XIRP2: variants seen among roughly 807,000 people sequenced by gnomAD.
XIRP2 encodes the protein xin actin-binding repeat-containing protein 2.
A neutral mutation model predicts 277.0 loss-of-function variants in XIRP2; 236 were observed. That is an observed-to-expected ratio of 0.85 (90% CI 0.77 to 0.95). XIRP2 has a LOEUF of 0.95. XIRP2 is among the 40% of genes least tolerant of loss of function. The pLI is 0.00. For synonymous variants in XIRP2, 1,490 were observed against 1,416.5 expected, an observed-to-expected ratio of 1.05 and a Z score of -1.17; for missense variants, 4,640 against 4,157.5, an observed-to-expected ratio of 1.12 and a Z score of -3.19.
In XIRP2 at chr2:167,244,964, A is replaced by C. The variant is rs574330155; in HGVS notation, c.3572A>C (p.Asp1191Ala). ...AAGGAAATCAAGCCTGTTGAAATGG[A>C]TATACAAGCTGGAGATGTTTCCAGC... ...EVKEIKPVEMDIQAGDVSSMR... is the reference protein window; with the variant it reads ...EVKEIKPVEMAIQAGDVSSMR... The change falls in exon 9 of 11, where the codon GAT becomes GCT. Residue 1191 changes from aspartate (D) to alanine (A), a missense_variant. Physicochemically the swap from Asp to Ala is moderately radical, Grantham distance 126. Transcript: ENST00000409195. The C allele has an allele frequency of 6.2e-7, 1 of 1,613,176 alleles. No homozygotes were observed. The highest frequency in any genetic ancestry group is 8.5e-7 in the Non-Finnish European group (1 of 1,179,634).
intron 3 of XIRP2, among the ~76,000 whole-genome samples, chr2:167,198,009 G>A (rs894319789): frequency 3.3e-5 from 5 of 151,982 alleles, no homozygotes; most frequent in Non-Finnish European, 2.9e-5. Flanking sequence ...TTCCATGTAT[G>A]GTACATTTAT....
chr2:167,151,539 A>T (rs1376142145), intron 3 of XIRP2, among the ~76,000 whole-genome samples: 1 of 152,150 alleles, frequency 6.6e-6, no homozygotes, highest in African/African-American at 2.4e-5. Flanking sequence ...GTTAACACCA[A>T]TTATATGTAT....
chr2:166,995,996 T>G (rs1687211611), intron 2 of XIRP2, among the ~76,000 whole-genome samples: 1 of 152,308 alleles, frequency 6.6e-6, no homozygotes, highest in African/African-American at 2.4e-5. Flanking sequence ...CCTCTTTTTC[T>G]TCTGCCCCTC....
intron 3 of XIRP2, among the ~76,000 whole-genome samples, 175 bp downstream of exon 3, chr2:167,136,237 T>G (rs1691547546): frequency 6.6e-6 from 1 of 152,182 alleles, no homozygotes; most frequent in African/African-American, 2.4e-5. Flanking sequence ...GCTTCTATCC[T>G]TATTATATTT....
chr2:167,063,958 G>T (rs183458886), intron 2 of XIRP2, among the ~76,000 whole-genome samples: 6 of 151,496 alleles, frequency 4.0e-5, no homozygotes, highest in Admixed American at 2.6e-4. Flanking sequence ...TACATTTAGT[G>T]TACTATCAAT....
intron 2 of XIRP2, among the ~76,000 whole-genome samples, chr2:167,011,273 T>C (rs1687671751): frequency 6.6e-6 from 1 of 151,746 alleles, no homozygotes; most frequent in African/African-American, 2.4e-5. Context: ...TGAGAGTTTT[T>C]AGCATGAAGG....
intron 2 of XIRP2, among the ~76,000 whole-genome samples, chr2:167,119,807 T>C (rs143221268): frequency 6.6e-6 from 1 of 152,306 alleles, no homozygotes; most frequent in African/African-American, 2.4e-5. Context: ...TAGGAAGATT[T>C]TGTTTCTGCT....
chr2:167,211,910 A>T lies in XIRP2; in HGVS notation c.723+1015A>T, dbSNP rs144950662. On this transcript the variant is annotated intron_variant, in intron 4 of 10. Transcript: ENST00000409195. ...GCCTTCAACTTAATGGAATATAAGAATGTTCTTTTATAATTATAATCTCCA... is the reference window on the plus strand; with the variant it reads ...GCCTTCAACTTAATGGAATATAAGATTGTTCTTTTATAATTATAATCTCCA... 3.9e-5 allele frequency among the ~76,000 whole-genome samples: 6 copies of T among 152,302 alleles called. No individual in the cohort carries two copies. In the East Asian group the frequency reaches 1.2e-3, roughly 29 times the overall value.
chr2:167,122,894 G>A (rs188743361), intron 2 of XIRP2, among the ~76,000 whole-genome samples: 2 of 151,776 alleles, frequency 1.3e-5, no homozygotes, highest in Non-Finnish European at 2.9e-5. Flanking sequence ...TTTTTATTTG[G>A]GTCTTCATGC....
chr2:167,135,850 A>G, intron 2 of XIRP2, 59 bp from the exon 3 acceptor site: 1 of 1,422,494 alleles, frequency 7.0e-7, no homozygotes, highest in Non-Finnish European at 9.3e-7. Context: ...CCCCCTAAAA[A>G]ACACATCTGT....
At chr2:167,055,471 T>G (rs879577002) in intron 2 of XIRP2, among the ~76,000 whole-genome samples, 3 of 152,232 alleles carry the variant, frequency 2.0e-5, no homozygotes, top group Non-Finnish European at 4.4e-5. Flanking sequence ...TTTCATTTAA[T>G]AAAATTATAA....
rs1692617919 is a variant in XIRP2 at position 167,169,367 on chromosome 2, TC to T, written c.562+33306del. ...TGCGTGGCCCTGGGATTTTTAAGTCTCAGAGTAGTCCACACTGGACCTCCAA... is the reference window on the plus strand; with the variant it reads ...TGCGTGGCCCTGGGATTTTTAAGTCTAGAGTAGTCCACACTGGACCTCCAA... On this transcript the variant is annotated intron_variant, in intron 3 of 10. Coordinates refer to ENST00000409195, the MANE Select transcript of XIRP2 (RefSeq NM_152381.6). 4.6e-5 allele frequency among the ~76,000 whole-genome samples: 7 copies of T among 152,330 alleles called. No homozygotes were observed. In the South Asian group the frequency reaches 1.2e-3, roughly 27 times the overall value.
At chr2:166,898,305 G>A (rs765068411) in intron 1 of XIRP2, among the ~76,000 whole-genome samples, 16 of 152,072 alleles carry the variant, frequency 1.1e-4, no homozygotes, top group Admixed American at 2.0e-4. Context: ...CTGAGAGGTC[G>A]TAGATTAAAA....
intron 3 of XIRP2, among the ~76,000 whole-genome samples, chr2:167,151,179 C>T (rs1345318903): frequency 6.6e-6 from 1 of 152,046 alleles, no homozygotes; most frequent in Admixed American, 6.6e-5. Flanking sequence ...GTCCCAGTTA[C>T]CACAGATTTT....
intron 3 of XIRP2, among the ~76,000 whole-genome samples, chr2:167,139,439 G>A (rs928834691): frequency 6.6e-6 from 1 of 151,980 alleles, no homozygotes; most frequent in African/African-American, 2.4e-5. Flanking sequence ...TATATTCAAA[G>A]TCACTTTTTC....
chr2:167,149,068 G>A (rs932926545), intron 3 of XIRP2, among the ~76,000 whole-genome samples: 1 of 151,998 alleles, frequency 6.6e-6, no homozygotes, highest in South Asian at 2.1e-4. Context: ...AGGAGTGAAA[G>A]GCTAAACTAA....
At chr2:167,181,971 C>G (rs1344808352) in intron 3 of XIRP2, among the ~76,000 whole-genome samples, 2 of 152,016 alleles carry the variant, frequency 1.3e-5, no homozygotes, top group African/African-American at 4.8e-5. Context: ...CCCAAAGCCC[C>G]CTGGCTTGCA....
At chr2:167,194,870 G>T (rs1693455947) in intron 3 of XIRP2, among the ~76,000 whole-genome samples, 1 of 151,998 alleles carries the variant, frequency 6.6e-6, no homozygotes, top group African/African-American at 2.4e-5. Context: ...TCAGTCCCTG[G>T]CACATAGTAA....
At chr2:167,018,456 A>G (rs1267071044) in intron 2 of XIRP2, among the ~76,000 whole-genome samples, 1 of 152,062 alleles carries the variant, frequency 6.6e-6, no homozygotes, top group Non-Finnish European at 1.5e-5. Context: ...GAACAAACAG[A>G]GAGACACACT....
Sources: allele counts gnomAD v4.1 joint callset (sites outside exome capture counted in the v4.1 genomes callset), GRCh38; gene constraint gnomAD v4.1.1; transcripts MANE v1.5; gene names NCBI Gene and HGNC (gene_info 2026-07-23, HGNC 2026-07-21).